GUCY1A2: variants seen among roughly 807,000 people sequenced by gnomAD.
The protein encoded by GUCY1A2 is guanylate cyclase 1 soluble subunit alpha 2, also known as guanylate cyclase soluble subunit alpha-2.
Under a neutral mutation model 63.5 loss-of-function variants are expected in GUCY1A2, and 27 were observed. That is an observed-to-expected ratio of 0.43 (90% CI 0.31 to 0.59). GUCY1A2 has a LOEUF of 0.59. Among genes scored for constraint, GUCY1A2 ranks in the 20% least tolerant of loss-of-function variants. The pLI, the probability that GUCY1A2 is intolerant of heterozygous loss-of-function variation, is 0.11. For missense variants in GUCY1A2, 768 were observed against 913.3 expected (o/e 0.84, Z 2.05); for synonymous variants, 364 against 343.5 (o/e 1.06, Z -0.66).
chr11:106,982,527 G>A (rs907066867), intron 2 of GUCY1A2, among the ~76,000 whole-genome samples: 1 of 152,166 alleles, frequency 6.6e-6, no homozygotes, highest in Non-Finnish European at 1.5e-5. Flanking sequence ...AATATGTAGA[G>A]TTTATATAGT....
chr11:106,819,042 C>CT (rs1390816509), intron 4 of GUCY1A2, among the ~76,000 whole-genome samples: 1 of 152,118 alleles, frequency 6.6e-6, no homozygotes, highest in African/African-American at 2.4e-5. Context: ...ACTTGGAGAG[C>CT]TTCAAGACTT....
intron 4 of GUCY1A2, 114 bp downstream of exon 4, chr11:106,939,346 T>C: frequency 3.0e-6 from 2 of 660,196 alleles, no homozygotes; most frequent in Non-Finnish European, 2.7e-6. Flanking sequence ...ATCTTCTAAA[T>C]GGCACTTTAA....
At chr11:106,737,612 T>C (rs1863614006) in intron 6 of GUCY1A2, among the ~76,000 whole-genome samples, 1 of 152,188 alleles carries the variant, frequency 6.6e-6, no homozygotes, top group Non-Finnish European at 1.5e-5. Flanking sequence ...TGTGTTCTCA[T>C]TGTTCAACTC....
chr11:106,789,967 C>T (rs1293136493), intron 5 of GUCY1A2, among the ~76,000 whole-genome samples: 1 of 152,092 alleles, frequency 6.6e-6, no homozygotes, highest in African/African-American at 2.4e-5. Flanking sequence ...GCCAGTACAA[C>T]ACTGGGTCTT....
chr11:106,763,690 G>A (rs150034705), intron 6 of GUCY1A2, among the ~76,000 whole-genome samples: 1 of 152,064 alleles, frequency 6.6e-6, no homozygotes, highest in Admixed American at 6.6e-5. Flanking sequence ...TTTGACTTGA[G>A]AGCCAAGAAA....
rs1591306812 is a variant in GUCY1A2 at position 106,864,873 on chromosome 11, CT to C, written c.1207-54396del. On this transcript the variant is annotated intron_variant, in intron 4 of 7. Transcript: ENST00000526355. ...GTTCATCAGGGATATTGGCCTGAAG[CT>C]TTCTTTTTTTGTTGTGTCTCTGCCA... Among the ~76,000 whole-genome samples the C allele has an allele frequency of 3.3e-5, 5 of 152,036 alleles. No individual in the cohort carries two copies. The East Asian group carries it at 9.7e-4, about 29-fold the overall frequency.
intron 4 of GUCY1A2, among the ~76,000 whole-genome samples, chr11:106,913,122 AAG>A (rs761802563): frequency 3.0e-4 from 17 of 56,584 alleles, no homozygotes; most frequent in Non-Finnish European, 4.4e-4. Flanking sequence ...TTTTTTTCAA[AAG>A]ATATATATAT....
chr11:106,902,259 T>C (rs1292237724), intron 4 of GUCY1A2, among the ~76,000 whole-genome samples: 2 of 152,208 alleles, frequency 1.3e-5, no homozygotes. Context: ...GCTTAAAATA[T>C]TCAGTAAACC....
At chr11:106,797,007 C>A (rs868422492) in intron 5 of GUCY1A2, among the ~76,000 whole-genome samples, 1 of 152,022 alleles carries the variant, frequency 6.6e-6, no homozygotes, top group Non-Finnish European at 1.5e-5. Flanking sequence ...CTTCTCTTCT[C>A]GCTTCATTTC....
intron 4 of GUCY1A2, among the ~76,000 whole-genome samples, chr11:106,902,061 A>T (rs753279529): frequency 6.6e-6 from 1 of 152,200 alleles, no homozygotes; most frequent in Non-Finnish European, 1.5e-5. Context: ...TTAAATCATA[A>T]GACTTGAAAG....
At chr11:106,868,581 A>G (rs912690158) in intron 4 of GUCY1A2, among the ~76,000 whole-genome samples, 1 of 152,198 alleles carries the variant, frequency 6.6e-6, no homozygotes, top group Non-Finnish European at 1.5e-5. Flanking sequence ...GGAGAACTAC[A>G]AACCACTGCT....
intron 6 of GUCY1A2, among the ~76,000 whole-genome samples, chr11:106,711,955 T>C (rs1044605445): frequency 6.6e-6 from 1 of 152,096 alleles, no homozygotes; most frequent in Non-Finnish European, 1.5e-5. Flanking sequence ...TTACTTCTGG[T>C]TGCTTTTAAG....
intron 4 of GUCY1A2, among the ~76,000 whole-genome samples, chr11:106,856,215 G>A (rs572917057): frequency 4.0e-5 from 6 of 151,868 alleles, no homozygotes; most frequent in African/African-American, 7.2e-5. Context: ...GCTTGAGCCC[G>A]GAAAGCAGAG....
chr11:106,989,877 C>T (rs1861449146), intron 1 of GUCY1A2, among the ~76,000 whole-genome samples: 1 of 152,096 alleles, frequency 6.6e-6, no homozygotes, highest in Admixed American at 6.5e-5. Context: ...ACTGAAACAT[C>T]ATAGCTAAGG....
chr11:106,977,463 C>T (rs1258363706), intron 3 of GUCY1A2, among the ~76,000 whole-genome samples: 2 of 152,184 alleles, frequency 1.3e-5, no homozygotes, highest in Non-Finnish European at 2.9e-5. Context: ...AAACCACTAA[C>T]ATCTATATGC....
At chr11:106,957,145 A>AG (rs1455291176) in intron 3 of GUCY1A2, among the ~76,000 whole-genome samples, 1 of 152,166 alleles carries the variant, frequency 6.6e-6, no homozygotes, top group Non-Finnish European at 1.5e-5. Context: ...TAGCTCTAGC[A>AG]GGGGAAAGTA....
At chr11:106,984,157 C>T (rs1171943060) in intron 2 of GUCY1A2, among the ~76,000 whole-genome samples, 1 of 152,166 alleles carries the variant, frequency 6.6e-6, no homozygotes, top group African/African-American at 2.4e-5. Flanking sequence ...TTGTCTGCAT[C>T]AGCATGAATG....
chr11:106,882,341 T>C (rs1035148632), intron 4 of GUCY1A2, among the ~76,000 whole-genome samples: 2 of 152,046 alleles, frequency 1.3e-5, no homozygotes, highest in African/African-American at 2.4e-5. Context: ...GAATTTTACA[T>C]GAATCTAATT....
intron 4 of GUCY1A2, among the ~76,000 whole-genome samples, chr11:106,838,887 G>A (rs556112137): frequency 6.6e-6 from 1 of 152,138 alleles, no homozygotes; most frequent in East Asian, 1.9e-4. Flanking sequence ...CCCTTTGTCA[G>A]ATGAGTAGAT....
Sources: gnomAD v4.1 joint callset for allele counts (sites outside exome capture counted in the v4.1 genomes callset) on GRCh38, gnomAD v4.1.1 for gene constraint, MANE v1.5 for transcripts, NCBI Gene and HGNC (gene_info 2026-07-23, HGNC 2026-07-21) for gene names.